The following UMOD variants were observed in gnomAD, a reference collection of about 807,000 sequenced individuals.
UMOD encodes Tamm-Horsfall urinary glycoprotein.
Under a neutral mutation model 66.0 loss-of-function variants are expected in UMOD, and 64 were observed. The ratio of observed to expected loss-of-function variants is 0.97; its 90% confidence interval spans 0.79 to 1.19. The LOEUF is 1.19. UMOD is among the 50% of genes most tolerant of loss of function. UMOD has a pLI of 0.00. For synonymous variants in UMOD, 398 were observed against 352.7 expected (o/e 1.13, Z -1.44); for missense variants, 764 against 850.9 (o/e 0.90, Z 1.27).
chr16:20,334,135 C>T (rs763093301), intron 10 of UMOD, among the ~76,000 whole-genome samples: 3 of 150,058 alleles, frequency 2.0e-5, no homozygotes, highest in African/African-American at 7.4e-5. Flanking sequence ...GATTTTTAGA[C>T]AATTCAGTGC....
chr16:20,351,751 T>A (rs1421912420), intron 1 of UMOD, among the ~76,000 whole-genome samples: 1 of 152,170 alleles, frequency 6.6e-6, no homozygotes, highest in Non-Finnish European at 1.5e-5. Context: ...CCAGGTGCAG[T>A]GGCTCATGCC....
rs1010239177 is a variant in UMOD at position 20,346,209 on chromosome 16, A to G, written c.1099T>C (p.Ser367Pro). 4 of 1,614,090 alleles carry G rather than the reference A, an allele frequency of 2.5e-6. No individual in the cohort carries two copies. In the African/African-American group the frequency reaches 5.3e-5, roughly 22 times the overall value. ...VFMYLSDSRC[S>P]GFNDRDNRDW... ...CGGTTGTCTCTGTCATTGAAGCCCGAGCACCGGCTGTCACTCAGGTACATG... is the reference window on the plus strand; with the variant it reads ...CGGTTGTCTCTGTCATTGAAGCCCGGGCACCGGCTGTCACTCAGGTACATG... Residue 367 changes from serine (S) to proline (P), a missense_variant, in exon 5 of 11, where the codon TCG becomes CCG. By Grantham distance (74) the Ser-to-Pro change is moderately conservative. Transcript: ENST00000396138.
chr16:20,339,567 G>C (rs2141641942), intron 7 of UMOD, among the ~76,000 whole-genome samples: 1 of 152,342 alleles, frequency 6.6e-6, no homozygotes, highest in Admixed American at 6.5e-5. Context: ...AGATTCCAAA[G>C]ACGTGTGAAC....
upstream of UMOD, chr16:20,352,818 G>T: frequency 9.4e-7 from 1 of 1,068,806 alleles, no homozygotes; most frequent in Non-Finnish European, 1.2e-6. Flanking sequence ...TTTTCTTGGG[G>T]GTGGAATATT....
At chr16:20,353,977 A>G (rs1268679567), upstream of UMOD, among the ~76,000 whole-genome samples, 1 of 152,074 alleles carries the variant, frequency 6.6e-6, no homozygotes, top group Non-Finnish European at 1.5e-5. Context: ...TCATTGTTCA[A>G]TTCCCACCTG....
intron 1 of UMOD, among the ~76,000 whole-genome samples, chr16:20,352,009 A>AT (rs1965919828): frequency 7.7e-6 from 1 of 129,190 alleles, no homozygotes; most frequent in African/African-American, 3.4e-5. Context: ...CAGAGAGTCC[A>AT]TCCCCCCCCC....
intron 2 of UMOD, among the ~76,000 whole-genome samples, chr16:20,350,148 A>G (rs1965820932): frequency 6.6e-6 from 1 of 152,190 alleles, no homozygotes; most frequent in South Asian, 2.1e-4. Context: ...GGACACCGCA[A>G]TAGTATTCAT....
At chr16:20,334,522 G>A (rs182404898) in intron 10 of UMOD, among the ~76,000 whole-genome samples, 96 of 152,240 alleles carry the variant, frequency 6.3e-4, no homozygotes, top group Non-Finnish European at 7.4e-5. Flanking sequence ...GTGTGTGTGG[G>A]TAAACATGTC....
chr16:20,349,053 C>T lies in UMOD; in HGVS notation c.248G>A (p.Cys83Tyr). 1 of 1,606,824 alleles carries T rather than the reference C, an allele frequency of 6.2e-7. No homozygotes were observed. Among genetic ancestry groups the T allele is most frequent in the Middle Eastern group, 1.7e-4 (1 of 6,054 alleles). The change falls in exon 3 of 11, where the codon TGC (cysteine) becomes TAC (tyrosine). Residue 83 changes from cysteine to tyrosine, a missense_variant. Transcript: ENST00000396138. Reference sequence around the variant, plus strand: ...GGAGAAGGAGCCTGGCGTGTTTACGCAGCTGCTGTTGGCGGAGCAGTTGTG... The same window carrying T: ...GGAGAAGGAGCCTGGCGTGTTTACGTAGCTGCTGTTGGCGGAGCAGTTGTG... ...GAHNCSANSS[C>Y]VNTPGSFSCV...
chr16:20,337,715 G>A (rs1341309417), intron 7 of UMOD, among the ~76,000 whole-genome samples: 1 of 152,172 alleles, frequency 6.6e-6, no homozygotes, highest in Non-Finnish European at 1.5e-5. Context: ...TTATATATTT[G>A]ATACTAAAGT....
intron 10 of UMOD, among the ~76,000 whole-genome samples, chr16:20,334,032 CAAAAAAA>C (rs575596167): frequency 3.5e-5 from 2 of 57,112 alleles, no homozygotes; most frequent in Non-Finnish European, 6.7e-5. Context: ...GATTCCATCT[CAAAAAAA>C]AAAAAAAAAA....
chr16:20,335,073 G>A lies in UMOD; in HGVS notation c.1861+409C>T, dbSNP rs146495867. Among the ~76,000 whole-genome samples the A allele has an allele frequency of 9.9e-4, 150 of 152,208 alleles. 2 individuals are homozygous for A. The Middle Eastern group carries it at 0.01, about 10-fold the overall frequency. The stretch of plus-strand genomic sequence containing the variant: ...AATCTCTTGACCTTGTGATCCGCCC[G>A]CCTCAGCCTCCCCAAGTGCTGGGAT... On this transcript the variant is annotated intron_variant, in intron 10 of 10. Coordinates refer to ENST00000396138, the MANE Select transcript of UMOD (RefSeq NM_003361.4).
At chr16:20,339,605 T>A (rs1374389766) in intron 7 of UMOD, among the ~76,000 whole-genome samples, 3 of 152,216 alleles carry the variant, frequency 2.0e-5, no homozygotes, top group Non-Finnish European at 4.4e-5. Flanking sequence ...CTGAAAATAT[T>A]CCCTTGGTGT....
At chr16:20,343,945 C>T (rs1435987046) in intron 6 of UMOD, 79 bp downstream of exon 6, 7 of 1,558,084 alleles carry the variant, frequency 4.5e-6, no homozygotes, top group East Asian at 2.3e-5. Context: ...CTGTGGGTGG[C>T]AGTTGACAGG....
In UMOD at chr16:20,341,190, C is replaced by T; in HGVS notation, c.1478G>A (p.Gly493Glu). 1 of 1,613,986 alleles carries T rather than the reference C, an allele frequency of 6.2e-7. No individual in the cohort carries two copies. The highest frequency in any genetic ancestry group is 1.3e-5 in the African/African-American group (1 of 74,970). ...AFLYVGTMLD[G>E]GDLSRFALLM... Reference sequence around the variant, plus strand: ...CAGTGCAAATCGGGACAGGTCGCCCCCATCCAACATGGTGCCCACGTAGAG... The same window carrying T: ...CAGTGCAAATCGGGACAGGTCGCCCTCATCCAACATGGTGCCCACGTAGAG... Residue 493 changes from glycine to glutamate, a missense_variant, in exon 7 of 11, where the codon GGG becomes GAG. Transcript: ENST00000396138.
At chr16:20,343,877 C>T in intron 6 of UMOD, 147 bp downstream of exon 6, 1 of 933,788 alleles carries the variant, frequency 1.1e-6, no homozygotes, top group South Asian at 1.6e-5. Flanking sequence ...ACCTGGGCTC[C>T]AGAATTCCTG....
intron 10 of UMOD, 21 bp downstream of exon 10, chr16:20,335,461 G>T (rs766577281): frequency 6.2e-7 from 1 of 1,613,188 alleles, no homozygotes; most frequent in East Asian, 2.2e-5. Flanking sequence ...AGGTCCCACT[G>T]CAGAAAGGAC....
Position 20,333,376 on chromosome 16 carries a change from C to T in UMOD, c.1862-1G>A. 1.2e-6 allele frequency: 2 copies of T among 1,611,834 alleles called. No homozygotes were observed. Among genetic ancestry groups the T allele is most frequent in the Non-Finnish European group, 1.7e-6 (2 of 1,179,016 alleles). On this transcript the variant is annotated splice_acceptor_variant, in intron 10 of 10. Transcript: ENST00000396138. LOFTEE classifies it high-confidence loss of function. ...AGAGGCAGCCAGACTTTCAGGAGCCCTGAAAAGAAAACAGTGACAGGGCAA... is the reference window on the plus strand; with the variant it reads ...AGAGGCAGCCAGACTTTCAGGAGCCTTGAAAAGAAAACAGTGACAGGGCAA...
At chr16:20,333,858 C>A (rs1414915412) in intron 10 of UMOD, among the ~76,000 whole-genome samples, 1 of 152,050 alleles carries the variant, frequency 6.6e-6, no homozygotes, top group Non-Finnish European at 1.5e-5. Context: ...CACGGAGAAA[C>A]CCCATCTCTA....
Sources: gnomAD v4.1 joint callset for allele counts (sites outside exome capture counted in the v4.1 genomes callset) on GRCh38, gnomAD v4.1.1 for gene constraint, MANE v1.5 for transcripts, NCBI Gene and HGNC (gene_info 2026-07-23, HGNC 2026-07-21) for gene names.